FAM120B: variants seen among roughly 807,000 people sequenced by gnomAD.
The protein encoded by FAM120B is constitutive coactivator of peroxisome proliferator-activated receptor gamma.
A neutral mutation model predicts 96.3 loss-of-function variants in FAM120B; 83 were observed. That is an observed-to-expected ratio of 0.86 (90% CI 0.72 to 1.03). The LOEUF (loss-of-function observed/expected upper bound fraction) is 1.03. FAM120B is among the 50% of genes least tolerant of loss of function. The pLI is 0.00. For missense variants in FAM120B, 1,027 were observed against 1,121.2 expected (o/e 0.92, Z 1.20); for synonymous variants, 407 against 402.7 (o/e 1.01, Z -0.13).
intron 4 of FAM120B, among the ~76,000 whole-genome samples, chr6:170,333,552 C>G (rs1353175169): frequency 6.8e-6 from 1 of 146,934 alleles, no homozygotes; most frequent in African/African-American, 2.5e-5. Flanking sequence ...GAGTCTCACT[C>G]TGTCGCCCAG....
At chr6:170,290,887 C>T (rs1437530960), upstream of FAM120B, 5 of 688,764 alleles carry the variant, frequency 7.3e-6, no homozygotes, top group Non-Finnish European at 1.3e-5. The surrounding 1 kb of genome is among the most constrained non-coding windows in gnomAD (Gnocchi z 4.7). Flanking sequence ...TGCGCTCTGC[C>T]CTCGGCCGGG....
In FAM120B at chr6:170,370,401, G is replaced by A. The variant is rs1199072912; in HGVS notation, c.2283+12083G>A. Among the ~76,000 whole-genome samples, 2 of 152,200 alleles carry A rather than the reference G, an allele frequency of 1.3e-5. No individual in the cohort carries two copies. Among genetic ancestry groups the A allele is most frequent in the African/African-American group, 2.4e-5 (1 of 41,448 alleles). ...TGAGGGTCCATCACCCTTCCTCTGG[G>A]GGGTGAGGCAGAGGACCCTGTTTCT... On this transcript the variant is annotated intron_variant, in intron 6 of 10. Transcript: ENST00000476287. The surrounding 1 kb of genome is among the most constrained non-coding windows in gnomAD (Gnocchi z 4.3).
At chr6:170,346,292 A>T (rs1419786132) in intron 4 of FAM120B, among the ~76,000 whole-genome samples, 2 of 152,136 alleles carry the variant, frequency 1.3e-5, no homozygotes, top group African/African-American at 4.8e-5. Context: ...CCTTTCAGCC[A>T]TGTTCATAAA....
chr6:170,314,816 A>G (rs1248353948), intron 1 of FAM120B, among the ~76,000 whole-genome samples: 1 of 152,264 alleles, frequency 6.6e-6, no homozygotes, highest in Non-Finnish European at 1.5e-5. Context: ...ACTGGAAGGC[A>G]TCCTCTAATA....
Position 170,323,134 on chromosome 6 carries a change from G to A in FAM120B, c.1790G>A (p.Ser597Asn), listed in dbSNP as rs752334604. 1.2e-6 allele frequency: 2 copies of A among 1,614,130 alleles called. No individual in the cohort carries two copies. The highest frequency in any genetic ancestry group is 1.1e-5 in the South Asian group (1 of 91,076). The change falls in exon 3 of 11, where the codon AGC (serine) becomes AAC (asparagine). Residue 597 changes from serine (S) to asparagine (N), a missense_variant. Ser to Asn is a conservative substitution (Grantham distance 46). Around this residue, in one of 3 missense-constraint regions of FAM120B, gnomAD observed 880 missense variants for 980.9 expected, o/e 0.90. Transcript: ENST00000476287. ...AGCTACCTGGTGTACAACATCATGA[G>A]CAGTGGAGAGATTGAATGCAGCAAC... ...AESYLVYNIMSSGEIECSNTL... is the reference protein window; with the variant it reads ...AESYLVYNIMNSGEIECSNTL...
At chr6:170,298,490 A>G (rs1213125636) in intron 1 of FAM120B, 1 of 151,768 alleles carries the variant, frequency 6.6e-6, no homozygotes, top group Non-Finnish European at 1.5e-5. Context: ...GATCACCATC[A>G]AGATTTGTTT....
At chr6:170,391,347 C>T (rs1790469278) in intron 8 of FAM120B, 1 of 496,690 alleles carries the variant, frequency 2.0e-6, no homozygotes, top group South Asian at 2.1e-5. Context: ...CCAGCCTGGC[C>T]CACATGGTGA....
intron 4 of FAM120B, among the ~76,000 whole-genome samples, chr6:170,339,620 A>G (rs1786678172): frequency 6.6e-6 from 1 of 152,002 alleles, no homozygotes; most frequent in African/African-American, 2.4e-5. Flanking sequence ...TCTACTAAAA[A>G]TACAAAAAAG....
At chr6:170,306,245 G>A (rs1259725945), upstream of FAM120B, among the ~76,000 whole-genome samples, 1 of 152,140 alleles carries the variant, frequency 6.6e-6, no homozygotes, top group African/African-American at 2.4e-5. Context: ...GGACGTCCCC[G>A]CTCCCTCCCC....
At chr6:170,325,688 G>A (rs1429849622) in intron 3 of FAM120B, among the ~76,000 whole-genome samples, 1 of 151,948 alleles carries the variant, frequency 6.6e-6, no homozygotes, top group African/African-American at 2.4e-5. Context: ...TAAAAATACA[G>A]ATATTAGCTG....
intron 1 of FAM120B, among the ~76,000 whole-genome samples, chr6:170,297,621 G>T (rs76301666): frequency 0.13 from 18,346 of 145,724 alleles, 1,366 homozygotes; most frequent in East Asian, 0.34. Flanking sequence ...ACCTGTTGCC[G>T]GCTGCACTGG....
intron 6 of FAM120B, among the ~76,000 whole-genome samples, chr6:170,378,595 TA>T (rs1444722108): frequency 1.9e-3 from 289 of 152,244 alleles, no homozygotes; most frequent in African/African-American, 6.7e-3. Flanking sequence ...ATCTGCAGCC[TA>T]GAGGGGGAAG....
chr6:170,402,237 G>A (rs1778624475), intron 9 of FAM120B, among the ~76,000 whole-genome samples: 1 of 152,250 alleles, frequency 6.6e-6, no homozygotes, highest in Non-Finnish European at 1.5e-5. Flanking sequence ...GAATCCCTGA[G>A]CTGGTCCGCA....
Position 170,391,202 on chromosome 6 carries a change from C to T in FAM120B, c.2599+81C>T, listed in dbSNP as rs1403280919. ...CCTGAGTTTTGTTGATAAATGAATTCTAAGAAGAGGCTGATATAATTGGAT... is the reference window on the plus strand; with the variant it reads ...CCTGAGTTTTGTTGATAAATGAATTTTAAGAAGAGGCTGATATAATTGGAT... On this transcript the variant is annotated intron_variant, in intron 8 of 10. Transcript: ENST00000476287. 3.2e-6 allele frequency: 3 copies of T among 933,428 alleles called. No individual in the cohort carries two copies. The African/African-American group carries it at 4.9e-5, about 15-fold the overall frequency. The allele number at this position is 933,428 out of a possible 1,614,324, so 57.8% of individuals were successfully genotyped here.
At chr6:170,340,952 G>T (rs1038505147) in intron 4 of FAM120B, among the ~76,000 whole-genome samples, 12 of 152,226 alleles carry the variant, frequency 7.9e-5, no homozygotes, top group Admixed American at 7.8e-4. Context: ...TCCCAGTCAG[G>T]AGGCACGGGG....
intron 4 of FAM120B, among the ~76,000 whole-genome samples, chr6:170,342,445 A>G (rs750666720): frequency 6.6e-5 from 10 of 152,170 alleles, no homozygotes; most frequent in Non-Finnish European, 7.3e-5. Context: ...ACTTATTTCC[A>G]TGTAAAAAGC....
rs767726362 is a variant in FAM120B at position 170,348,326 on chromosome 6, A to G, written c.2190+3A>G. The G allele has an allele frequency of 8.7e-6, 14 of 1,612,104 alleles. No individual in the cohort carries two copies. Among genetic ancestry groups the G allele is most frequent in the Non-Finnish European group, 1.2e-5 (14 of 1,179,668 alleles). On this transcript the variant is annotated splice_donor_region_variant and intron_variant, in intron 5 of 10. Coordinates refer to ENST00000476287, the MANE Select transcript of FAM120B (RefSeq NM_032448.3). ...TCTTGATCTACCTCTTTGTCCAGGT[A>G]ATGTCCAGCTGCCCGTTCTAGTCAC...
chr6:170,291,713 G>A (rs1471508047), upstream of FAM120B, among the ~76,000 whole-genome samples: 3 of 152,160 alleles, frequency 2.0e-5, no homozygotes, highest in Non-Finnish European at 4.4e-5. Context: ...GCGGGGCCGG[G>A]ACGCCCCCTG....
chr6:170,401,318 C>T (rs941972847), intron 9 of FAM120B, among the ~76,000 whole-genome samples: 3 of 152,150 alleles, frequency 2.0e-5, no homozygotes, highest in Admixed American at 2.0e-4. Context: ...GAGGGGTCTC[C>T]AAGTGGCATT....
Sources: allele counts gnomAD v4.1 joint callset (sites outside exome capture counted in the v4.1 genomes callset), GRCh38; gene constraint gnomAD v4.1.1; regional missense constraint gnomAD v4.1.1; non-coding constraint Gnocchi (gnomAD v3.1); transcripts MANE v1.5; gene names NCBI Gene and HGNC (gene_info 2026-07-23, HGNC 2026-07-21).